HTR4: variants seen among roughly 807,000 people sequenced by gnomAD.
The protein encoded by HTR4 is 5-hydroxytryptamine (serotonin) receptor 4, G protein-coupled.
HTR4 carries 16 observed loss-of-function variants against 36.8 expected under a neutral mutation model. The observed-to-expected ratio is 0.43, with a 90% CI of 0.29 to 0.66. HTR4 has a LOEUF of 0.66. Ranked by LOEUF, HTR4 falls within the 30% of genes least tolerant of loss-of-function variation. HTR4 has a pLI of 0.13. For missense variants in HTR4, 438 were observed against 490.9 expected, an observed-to-expected ratio of 0.89 and a Z score of 1.02; for synonymous variants, 189 against 185.1, an observed-to-expected ratio of 1.02 and a Z score of -0.17.
downstream of HTR4, among the ~76,000 whole-genome samples, chr5:148,471,962 A>G (rs1046651149): frequency 7.2e-5 from 11 of 152,224 alleles, no homozygotes; most frequent in African/African-American, 2.7e-4. Context: ...TGTGGTGATC[A>G]GTACTAGGTT....
chr5:148,481,598 A>G lies in HTR4; in HGVS notation c.*1605T>C, dbSNP rs200219058. ...TGGTCAATCTTCTCTTCCTTATTCC[A>G]AAGTTTCTTCCTGTCGGTTTCAGTT... is the stretch of plus-strand genomic sequence containing the variant. On this transcript the variant is annotated 3_prime_UTR_variant, in exon 7 of 7. Coordinates refer to ENST00000377888, the MANE Select transcript of HTR4 (RefSeq NM_000870.7). The G allele has an allele frequency of 1.2e-5, 18 of 1,515,808 alleles. No homozygotes were observed. The highest frequency in any genetic ancestry group is 6.5e-5 in the Admixed American group (3 of 45,834). 93.9% of individuals were successfully genotyped at this position (1,515,808 alleles called of 1,614,324 possible).
rs747919016 is a variant in HTR4 at position 148,550,126 on chromosome 5, C to T, written c.152+11G>A. On this transcript the variant is annotated intron_variant, in intron 3 of 6. Coordinates refer to ENST00000377888, the MANE Select transcript of HTR4 (RefSeq NM_000870.7). ...CCATGTTTCCTCAAAAGGTTCCCTC[C>T]TGCTGCTCACCTGAGCTGCCTGTCC... 4 of 1,613,936 alleles carry T rather than the reference C, an allele frequency of 2.5e-6. No individual in the cohort carries two copies. Among genetic ancestry groups the T allele is most frequent in the South Asian group, 2.2e-5 (2 of 91,056 alleles).
intron 2 of HTR4, among the ~76,000 whole-genome samples, chr5:148,624,937 C>T (rs1753040458): frequency 6.6e-6 from 1 of 152,156 alleles, no homozygotes; most frequent in African/African-American, 2.4e-5. Flanking sequence ...GCAGAGGAGG[C>T]AGGCATGTTA....
chr5:148,576,566 A>G (rs561638901), intron 2 of HTR4, among the ~76,000 whole-genome samples: 32 of 152,134 alleles, frequency 2.1e-4, no homozygotes, highest in Non-Finnish European at 1.5e-4. Context: ...CTGACTTCAA[A>G]CTCCACTACA....
At chr5:148,530,882 A>G (rs1414742193) in intron 4 of HTR4, among the ~76,000 whole-genome samples, 2 of 152,250 alleles carry the variant, frequency 1.3e-5, no homozygotes, top group African/African-American at 4.8e-5. Context: ...GATGTGAGAC[A>G]TGGATTCAAA....
At chr5:148,566,651 C>T (rs1760452651) in intron 2 of HTR4, among the ~76,000 whole-genome samples, 1 of 152,126 alleles carries the variant, frequency 6.6e-6, no homozygotes, top group Non-Finnish European at 1.5e-5. Context: ...TTTCGTACAT[C>T]TGAATGTTGT....
intron 5 of HTR4, chr5:148,465,904 G>A (rs201447879): frequency 6.8e-6 from 11 of 1,613,466 alleles, no homozygotes; most frequent in Admixed American, 3.3e-5. Context: ...GCAGGAGGAA[G>A]CTGGAGACAG....
At chr5:148,623,967 T>C (rs1694094591) in intron 2 of HTR4, among the ~76,000 whole-genome samples, 1 of 152,192 alleles carries the variant, frequency 6.6e-6, no homozygotes, top group African/African-American at 2.4e-5. Flanking sequence ...ACAGAGCACA[T>C]GGCCTCACCT....
intron 5 of HTR4, among the ~76,000 whole-genome samples, chr5:148,452,889 T>C (rs1441171902): frequency 1.3e-5 from 2 of 152,208 alleles, no homozygotes; most frequent in Non-Finnish European, 2.9e-5. Flanking sequence ...ATGCAAGACC[T>C]TAGGGAAGCT....
At chr5:148,551,811 G>A (rs937483714) in intron 2 of HTR4, among the ~76,000 whole-genome samples, 6 of 152,168 alleles carry the variant, frequency 3.9e-5, no homozygotes, top group Non-Finnish European at 8.8e-5. Context: ...GGGTTGGGCT[G>A]CATTAAAAGC....
chr5:148,556,066 C>T (rs887639774), intron 2 of HTR4, among the ~76,000 whole-genome samples: 6 of 152,152 alleles, frequency 3.9e-5, no homozygotes, highest in African/African-American at 1.2e-4. Context: ...CCCTGTCCCC[C>T]AAGCTGGAGT....
At chr5:148,525,267 C>T (rs1243657587) in intron 4 of HTR4, among the ~76,000 whole-genome samples, 1 of 152,122 alleles carries the variant, frequency 6.6e-6, no homozygotes. Context: ...TATTCATAAT[C>T]ATCAGAGGTT....
intron 6 of HTR4, among the ~76,000 whole-genome samples, chr5:148,495,303 A>G (rs1289875907): frequency 1.3e-5 from 2 of 152,188 alleles, no homozygotes; most frequent in Admixed American, 1.3e-4. Flanking sequence ...GAGGATGGGG[A>G]TTATCTACCA....
chr5:148,457,380 A>T (rs904010070), intron 5 of HTR4, among the ~76,000 whole-genome samples: 4 of 151,982 alleles, frequency 2.6e-5, no homozygotes, highest in Non-Finnish European at 5.9e-5. Flanking sequence ...ACATGACGGG[A>T]GCCACATTAG....
chr5:148,553,624 C>T lies in HTR4; in HGVS notation c.27-3362G>A, dbSNP rs115305544. 8.5e-3 allele frequency among the ~76,000 whole-genome samples: 1,294 copies of T among 152,088 alleles called. 16 individuals are homozygous for T. The highest frequency in any genetic ancestry group is 0.029 in the African/African-American group (1,199 of 41,470). ...AGCTTCCCGGTGTTGTTTTGTGTTCCCTGGCACAGAAAGTGTTTAAGAATA... is the reference window on the plus strand; with the variant it reads ...AGCTTCCCGGTGTTGTTTTGTGTTCTCTGGCACAGAAAGTGTTTAAGAATA... On this transcript the variant is annotated intron_variant, in intron 2 of 6. Transcript: ENST00000377888.
chr5:148,629,065 A>G (rs2127299039), intron 2 of HTR4: 1 of 152,292 alleles, frequency 6.6e-6, no homozygotes, highest in East Asian at 1.9e-4. Context: ...ACAAGTCCTA[A>G]TAAACTATGT....
intron 4 of HTR4, among the ~76,000 whole-genome samples, chr5:148,528,830 GGCAAAAT>G (rs1280274113): frequency 1.4e-4 from 21 of 152,136 alleles, no homozygotes; most frequent in African/African-American, 5.1e-4. Context: ...AGGGAGGTAA[GGCAAAAT>G]GCACTGGCTG....
chr5:148,651,492 C>T (rs542057853), intron 1 of HTR4, among the ~76,000 whole-genome samples: 1 of 151,964 alleles, frequency 6.6e-6, no homozygotes, highest in Non-Finnish European at 1.5e-5. Context: ...TGCCCACCCA[C>T]CCCCCGGACA....
In HTR4 at chr5:148,509,541, C is replaced by T; in HGVS notation, c.991G>A (p.Asp331Asn). The T allele has an allele frequency of 6.2e-7, 1 of 1,614,046 alleles. No individual in the cohort carries two copies. The highest frequency in any genetic ancestry group is 8.5e-7 in the Non-Finnish European group (1 of 1,179,980). Residue 331 changes from aspartate (D) to asparagine (N), a missense_variant, in exon 6 of 7, where the codon GAT becomes AAT. By Grantham distance (23) the Asp-to-Asn change is conservative. Transcript: ENST00000377888. ...ATGGAAGGTCTTCGGTAGCGCTCAT[C>T]ATCACAGCAGAGGATGATGAGGAAG... Reference protein sequence around the residue: ...RAFLIILCCDDERYRRPSILG... With the variant: ...RAFLIILCCDNERYRRPSILG...
Sources: gnomAD v4.1 joint callset for allele counts (sites outside exome capture counted in the v4.1 genomes callset) on GRCh38, gnomAD v4.1.1 for gene constraint, MANE v1.5 for transcripts, NCBI Gene and HGNC (gene_info 2026-07-23, HGNC 2026-07-21) for gene names.